The following MERTK variants were observed in gnomAD, a reference collection of about 807,000 sequenced individuals.
The protein encoded by MERTK is tyrosine-protein kinase Mer.
MERTK carries 69 observed loss-of-function variants against 99.3 expected under a neutral mutation model. The ratio of observed to expected loss-of-function variants is 0.70; its 90% CI spans 0.57 to 0.85. MERTK has a LOEUF of 0.85. MERTK is among the 40% of genes least tolerant of loss of function. MERTK has a pLI of 0.00. For missense variants in MERTK, 1,125 were observed against 1,249.4 expected (o/e 0.90, Z 1.50); for synonymous variants, 426 against 467.6 (o/e 0.91, Z 1.15).
chr2:111,966,765 G>A (rs1254018612), intron 5 of MERTK, among the ~76,000 whole-genome samples: 1 of 152,126 alleles, frequency 6.6e-6, no homozygotes, highest in Non-Finnish European at 1.5e-5. Context: ...AATAATCTGT[G>A]GAGGAAAGTG....
intron 15 of MERTK, 100 bp downstream of exon 15, chr2:112,010,166 A>T: frequency 1.1e-6 from 1 of 931,676 alleles, no homozygotes; most frequent in Admixed American, 1.7e-5. Context: ...GCCAGGAAGG[A>T]GAGGACGTTG....
At chr2:111,996,509 G>A (rs749922853) in intron 9 of MERTK, 3 of 154,520 alleles carry the variant, frequency 1.9e-5, no homozygotes, top group Non-Finnish European at 4.4e-5. Context: ...GAAAGAGGGA[G>A]TTGGTGAACA....
intron 3 of MERTK, among the ~76,000 whole-genome samples, chr2:111,945,607 G>T (rs1231484160): frequency 1.3e-5 from 2 of 152,160 alleles, no homozygotes; most frequent in Non-Finnish European, 2.9e-5. Flanking sequence ...TCATATGAAG[G>T]TCCATGGGGA....
In MERTK at chr2:111,981,745, A is replaced by G. The variant is rs1050463241; in HGVS notation, c.1145-1097A>G. Among the ~76,000 whole-genome samples the G allele has an allele frequency of 7.9e-4, 85 of 108,054 alleles. 1 individual carries two copies. The highest frequency in any genetic ancestry group is 4.4e-3 in the African/African-American group (79 of 17,922). 70.9% of individuals were successfully genotyped at this position (108,054 alleles called of 152,430 possible). A position where few individuals can be genotyped will look rare whatever the true frequency, so the allele number is the denominator to read the frequency against. On this transcript the variant is annotated intron_variant, in intron 7 of 18. Transcript: ENST00000295408. ...TATACACGTACACTCGTGTACACAC[A>G]CACACACACACACACACACACTTTT...
chr2:111,913,295 T>A (rs907870435), intron 1 of MERTK, among the ~76,000 whole-genome samples: 1 of 152,222 alleles, frequency 6.6e-6, no homozygotes, highest in Non-Finnish European at 1.5e-5. Flanking sequence ...TTTAGTTATA[T>A]CTTCTTGTAT....
chr2:111,919,992 T>A (rs980796014), intron 1 of MERTK, among the ~76,000 whole-genome samples: 1 of 152,002 alleles, frequency 6.6e-6, no homozygotes, highest in African/African-American at 2.4e-5. Context: ...AGACCCACTC[T>A]CCATGCTGCT....
intron 2 of MERTK, among the ~76,000 whole-genome samples, chr2:111,931,294 G>C (rs1241847188): frequency 6.6e-6 from 1 of 152,170 alleles, no homozygotes; most frequent in Non-Finnish European, 1.5e-5. Context: ...TACTCTGGCT[G>C]AGTCTCTCGG....
intron 7 of MERTK, among the ~76,000 whole-genome samples, chr2:111,979,728 TATC>T (rs1377645931): frequency 1.3e-5 from 2 of 152,198 alleles, no homozygotes; most frequent in Non-Finnish European, 2.9e-5. Context: ...TTATTTTACT[TATC>T]ATGTTGCTAA....
chr2:111,986,800 A>G (rs554905383), intron 8 of MERTK, among the ~76,000 whole-genome samples: 1 of 152,336 alleles, frequency 6.6e-6, no homozygotes, highest in Admixed American at 6.5e-5. Flanking sequence ...GCTTTACACT[A>G]TATTTTATGC....
chr2:111,994,489 T>C, intron 9 of MERTK, 85 bp downstream of exon 9: 1 of 1,550,500 alleles, frequency 6.4e-7, no homozygotes, highest in Non-Finnish European at 8.9e-7. Context: ...GGGGGATGGA[T>C]GGCTGATTAA....
At chr2:112,020,468 C>T (rs1206013583) in intron 16 of MERTK, 36 of 411,006 alleles carry the variant, frequency 8.8e-5, no homozygotes, top group Non-Finnish European at 2.4e-5. Context: ...CCCCAGACTA[C>T]TTTATATCTA....
intron 9 of MERTK, among the ~76,000 whole-genome samples, chr2:111,995,741 G>C (rs1303625641): frequency 6.6e-6 from 1 of 152,142 alleles, no homozygotes; most frequent in East Asian, 1.9e-4. Flanking sequence ...CTTGAACTCA[G>C]GAGTTCAAGA....
At chr2:112,012,580 A>G (rs1158800806) in intron 15 of MERTK, among the ~76,000 whole-genome samples, 3 of 152,068 alleles carry the variant, frequency 2.0e-5, no homozygotes, top group African/African-American at 7.2e-5. Flanking sequence ...GGATCAGAAG[A>G]TGTGTTGGGA....
chr2:111,899,333 G>GA (rs1411449835), intron 1 of MERTK, among the ~76,000 whole-genome samples: 1 of 152,162 alleles, frequency 6.6e-6, no homozygotes, highest in East Asian at 1.9e-4. Context: ...GACGGGCCAG[G>GA]GGGGGACGGC....
intron 1 of MERTK, among the ~76,000 whole-genome samples, chr2:111,906,471 T>C (rs1684138101): frequency 6.6e-6 from 1 of 152,242 alleles, no homozygotes; most frequent in African/African-American, 2.4e-5. Flanking sequence ...AAGAACAGGC[T>C]GTCTTAGTGG....
At chr2:111,984,552 A>G (rs55971930) in intron 8 of MERTK, among the ~76,000 whole-genome samples, 3,199 of 152,198 alleles carry the variant, frequency 0.021, 57 homozygotes, top group Middle Eastern at 0.068. Context: ...GCGAGGTGTG[A>G]GATGAAGCTG....
chr2:111,995,622 G>A (rs574387346), intron 9 of MERTK: 96 of 188,450 alleles, frequency 5.1e-4, no homozygotes, highest in African/African-American at 2.3e-3. Context: ...GTGATGGGGA[G>A]GCAAGATGTG....
At chr2:111,994,450 G>A in intron 9 of MERTK, 46 bp downstream of exon 9, 2 of 1,611,638 alleles carry the variant, frequency 1.2e-6, no homozygotes, top group African/African-American at 1.3e-5. Context: ...GATGGTCCAG[G>A]CAGTGCACAG....
rs1294031444 is a variant in MERTK at position 111,997,331 on chromosome 2, G to A, written c.1459G>A (p.Asp487Asn). ...KIFIPAHGWV[D>N]YAPSSTPAPG... ...TATTGGTATCTCACCAGGTTGGGTAGATTATGCCCCCTCTTCAACTCCGGC... is the reference window on the plus strand; with the variant it reads ...TATTGGTATCTCACCAGGTTGGGTAAATTATGCCCCCTCTTCAACTCCGGC... The change falls in exon 10 of 19, where the codon GAT becomes AAT. Residue 487 changes from aspartate to asparagine, a missense_variant. Transcript: ENST00000295408. 4.3e-6 allele frequency: 7 copies of A among 1,614,136 alleles called. No homozygotes were observed. The highest frequency in any genetic ancestry group is 5.9e-6 in the Non-Finnish European group (7 of 1,179,982).
Sources: gnomAD v4.1 joint callset for allele counts (sites outside exome capture counted in the v4.1 genomes callset) on GRCh38, gnomAD v4.1.1 for gene constraint, MANE v1.5 for transcripts, NCBI Gene and HGNC (gene_info 2026-07-23, HGNC 2026-07-21) for gene names.